Variants in DOK6 observed in about 807,000 individuals in gnomAD.
The protein encoded by DOK6 is docking protein 6, also known as downstream of tyrosine kinase 6.
In DOK6, 22 loss-of-function variants were observed where a neutral mutation model predicts 44.0. The observed-to-expected ratio is 0.50, with a 90% CI of 0.36 to 0.71. The LOEUF is 0.71. DOK6 is among the 30% of genes least tolerant of loss of function. DOK6 has a pLI of 0.00. For missense variants in DOK6, 340 were observed against 416.4 expected (o/e 0.82, Z 1.60); for synonymous variants, 166 against 145.5 (o/e 1.14, Z -1.01).
intron 2 of DOK6, among the ~76,000 whole-genome samples, chr18:69,577,461 G>A (rs866009862): frequency 1.3e-5 from 2 of 152,216 alleles, no homozygotes; most frequent in Middle Eastern, 3.4e-3. Context: ...TCTGGAAGAG[G>A]TCTCAATTTC....
chr18:69,509,579 A>G (rs1228073790), intron 1 of DOK6, among the ~76,000 whole-genome samples: 2 of 136,900 alleles, frequency 1.5e-5, no homozygotes, highest in Non-Finnish European at 3.0e-5. Flanking sequence ...TGGAGCTTGC[A>G]GTGAGCCGAG....
At position 69,719,934 on chromosome 18, in the gene DOK6, G is replaced by T. The variant is rs139306946; in HGVS notation, c.600-19031G>T. 4.5e-4 allele frequency among the ~76,000 whole-genome samples: 68 copies of T among 152,152 alleles called. No homozygotes were observed. The South Asian group carries it at 0.013, about 30-fold the overall frequency. ...CAACACAACAGGCATTGAAATCACC[G>T]AATCATGCACTTTGGGAAGCCAAGG... On this transcript the variant is annotated intron_variant, in intron 5 of 7. Coordinates refer to ENST00000382713, the MANE Select transcript of DOK6 (RefSeq NM_152721.6).
intron 3 of DOK6, among the ~76,000 whole-genome samples, chr18:69,669,430 A>ATTTTG (rs1247515363): frequency 2.7e-5 from 4 of 148,682 alleles, no homozygotes; most frequent in Non-Finnish European, 6.0e-5. Context: ...AAAGGACATC[A>ATTTTG]TTTTGTTCTT....
chr18:69,482,165 C>T (rs958229246), intron 1 of DOK6, among the ~76,000 whole-genome samples: 2 of 152,216 alleles, frequency 1.3e-5, no homozygotes, highest in Non-Finnish European at 2.9e-5. Flanking sequence ...TTCTCCCATT[C>T]TGTAGGTTGC....
At chr18:69,541,881 G>C (rs1982278098) in intron 1 of DOK6, among the ~76,000 whole-genome samples, 1 of 151,474 alleles carries the variant, frequency 6.6e-6, no homozygotes, top group Non-Finnish European at 1.5e-5. Context: ...CAGATGTCAG[G>C]ATACCTGGAA....
intron 3 of DOK6, among the ~76,000 whole-genome samples, chr18:69,612,399 T>TTGTGCGCGAGGTGCGAGGGCGCA (rs1737881100): frequency 1.6e-5 from 1 of 62,414 alleles, no homozygotes; most frequent in African/African-American, 5.9e-5. Flanking sequence ...CGAAGAGACT[T>TTGTGCGCGAGGTGCGAGGGCGCA]TGTGTGCGAG....
chr18:69,447,807 T>C (rs975244110), intron 1 of DOK6, among the ~76,000 whole-genome samples: 2 of 152,212 alleles, frequency 1.3e-5, no homozygotes, highest in Non-Finnish European at 2.9e-5. Context: ...TAAACAGATA[T>C]TTTAAAAGTA....
chr18:69,742,888 A>G (rs1014063938), intron 6 of DOK6, among the ~76,000 whole-genome samples: 7 of 152,234 alleles, frequency 4.6e-5, no homozygotes, highest in Admixed American at 6.5e-5. Context: ...GAGCTTGTTC[A>G]TATTGTCATG....
chr18:69,548,829 C>G (rs1030770975), intron 1 of DOK6, among the ~76,000 whole-genome samples: 1 of 151,536 alleles, frequency 6.6e-6, no homozygotes, highest in Non-Finnish European at 1.5e-5. Context: ...CGCGGTGGCT[C>G]ACGCCTGTAA....
chr18:69,445,927 A>G (rs1979274540), intron 1 of DOK6, among the ~76,000 whole-genome samples: 1 of 152,120 alleles, frequency 6.6e-6, no homozygotes, highest in African/African-American at 2.4e-5. Context: ...TTCCTTATTT[A>G]TATAAGATCT....
At chr18:69,631,519 G>C (rs1984689592) in intron 3 of DOK6, among the ~76,000 whole-genome samples, 1 of 152,130 alleles carries the variant, frequency 6.6e-6, no homozygotes, top group African/African-American at 2.4e-5. Flanking sequence ...GCTGAGTCAT[G>C]TACAGTACAT....
rs765058240 is a variant in DOK6 at position 69,507,072 on chromosome 18, GAGTGC to G, written c.67-57405_67-57401del. Among the ~76,000 whole-genome samples the G allele has an allele frequency of 2.0e-5, 3 of 152,036 alleles. 1 individual carries two copies. Among genetic ancestry groups the G allele is most frequent in the South Asian group, 4.1e-4 (2 of 4,830 alleles). ...GACAGAGTCTTTGTCACCCAGGCTG[GAGTGC>G]AGTGCAGTGGTACATTCTCGGCTCA... is the stretch of plus-strand genomic sequence containing the variant. On this transcript the variant is annotated intron_variant, in intron 1 of 7. Transcript: ENST00000382713.
chr18:69,729,512 C>A (rs147610278), intron 5 of DOK6, among the ~76,000 whole-genome samples: 133 of 145,358 alleles, frequency 9.1e-4, no homozygotes, highest in African/African-American at 3.3e-3. Context: ...ATTTTTTTTT[C>A]TTTTACAGTT....
chr18:69,739,265 C>T, intron 6 of DOK6, 162 bp downstream of exon 6: 1 of 878,592 alleles, frequency 1.1e-6, no homozygotes. Context: ...ATATCCTATT[C>T]AATATGTCAA....
Position 69,845,375 on chromosome 18 carries a change from CT to C in DOK6, c.*3994del, listed in dbSNP as rs1982324243. The C allele has an allele frequency of 6.6e-6, 1 of 152,168 alleles. No homozygotes were observed. The highest frequency in any genetic ancestry group is 2.4e-5 in the African/African-American group (1 of 41,434). 9.4% of individuals were successfully genotyped at this position (152,168 alleles called of 1,614,324 possible). ...ATCCTGTGATCATGTCTGTAAATAC[CT>C]TGCAATTTCAAATTACTTCATCCGT... On this transcript the variant is annotated 3_prime_UTR_variant, in exon 8 of 8. Transcript: ENST00000382713.
At chr18:69,507,653 T>C (rs1981233752) in intron 1 of DOK6, among the ~76,000 whole-genome samples, 2 of 152,202 alleles carry the variant, frequency 1.3e-5, no homozygotes, top group African/African-American at 4.8e-5. Flanking sequence ...ATGGTGCTGT[T>C]GTAAAAGGAA....
intron 4 of DOK6, among the ~76,000 whole-genome samples, chr18:69,685,646 G>A (rs1986136591): frequency 6.6e-6 from 1 of 152,132 alleles, no homozygotes. Context: ...CAATTCTAGT[G>A]ATGCTCATAT....
chr18:69,645,594 T>A (rs2144657852), intron 3 of DOK6, among the ~76,000 whole-genome samples: 1 of 152,240 alleles, frequency 6.6e-6, no homozygotes, highest in Admixed American at 6.5e-5. Context: ...GTAGACATAG[T>A]GTGAAAAACA....
chr18:69,812,042 T>C (rs1226125110), intron 7 of DOK6, among the ~76,000 whole-genome samples: 2 of 140,386 alleles, frequency 1.4e-5, no homozygotes, highest in East Asian at 2.2e-4. Context: ...AACAAATACA[T>C]ACATACTCGA....
Sources: gnomAD v4.1 joint callset for allele counts (sites outside exome capture counted in the v4.1 genomes callset) on GRCh38, gnomAD v4.1.1 for gene constraint, MANE v1.5 for transcripts, NCBI Gene and HGNC (gene_info 2026-07-23, HGNC 2026-07-21) for gene names.